FXR1: variants seen among roughly 807,000 people sequenced by gnomAD.
The protein encoded by FXR1 is RNA-binding protein FXR1.
Under a neutral mutation model 84.0 loss-of-function variants are expected in FXR1, and 15 were observed. The observed-to-expected ratio is 0.18, with a 90% CI of 0.12 to 0.27. The LOEUF is 0.27. Ranked by LOEUF, FXR1 falls within the 10% of genes least tolerant of loss-of-function variation. The pLI is 1.00. For synonymous variants in FXR1, 245 were observed against 250.7 expected, an observed-to-expected ratio of 0.98 and a Z score of 0.21; for missense variants, 480 against 774.4, an observed-to-expected ratio of 0.62 and a Z score of 4.51.
chr3:180,915,182 A>C (rs571756320), intron 1 of FXR1, among the ~76,000 whole-genome samples: 1 of 151,480 alleles, frequency 6.6e-6, no homozygotes, highest in Non-Finnish European at 1.5e-5. Context: ...GTAAAAGTTA[A>C]TGTTAATTTA....
intron 1 of FXR1, among the ~76,000 whole-genome samples, chr3:180,920,313 A>T (rs999555741): frequency 1.3e-5 from 2 of 152,062 alleles, no homozygotes; most frequent in African/African-American, 4.8e-5. Context: ...CCCTCAGTGT[A>T]TATTTGTTGA....
At chr3:180,932,201 G>A (rs995982642) in intron 1 of FXR1, among the ~76,000 whole-genome samples, 8 of 151,766 alleles carry the variant, frequency 5.3e-5, no homozygotes, top group African/African-American at 1.9e-4. Context: ...GAAGGAGTGA[G>A]ATAAACAGAT....
intron 3 of FXR1, among the ~76,000 whole-genome samples, chr3:180,936,092 A>G (rs571649458): frequency 2.0e-5 from 3 of 151,770 alleles, no homozygotes; most frequent in Non-Finnish European, 4.4e-5. Context: ...GGCTTTCATG[A>G]TGTTGGCCAG....
At position 180,942,251 on chromosome 3, in the gene FXR1, G is replaced by A. The variant is rs905185659; in HGVS notation, c.199-5614G>A. On this transcript the variant is annotated intron_variant, in intron 3 of 16. Coordinates refer to ENST00000357559, the MANE Select transcript of FXR1 (RefSeq NM_005087.4). Reference sequence around the variant, plus strand: ...AAATTAGCCAGGTGTGGTAGCGGGTGCCTGTAGTCCCAGCTACTCGGGAGG... The same window carrying A: ...AAATTAGCCAGGTGTGGTAGCGGGTACCTGTAGTCCCAGCTACTCGGGAGG... 2.0e-5 allele frequency among the ~76,000 whole-genome samples: 3 copies of A among 152,040 alleles called. No homozygotes were observed. The East Asian group carries it at 5.8e-4, about 29-fold the overall frequency.
At chr3:180,973,076 A>C (rs1008173736) in intron 15 of FXR1, among the ~76,000 whole-genome samples, 1 of 152,244 alleles carries the variant, frequency 6.6e-6, no homozygotes, top group Admixed American at 6.5e-5. Flanking sequence ...CCATTCGAGG[A>C]AATTCTAGAG....
Position 180,934,545 on chromosome 3 carries a change from A to G in FXR1, c.105-593A>G, listed in dbSNP as rs191436937. Among the ~76,000 whole-genome samples, 282 of 152,364 alleles carry G rather than the reference A, an allele frequency of 1.9e-3. 1 individual carries two copies. The highest frequency in any genetic ancestry group is 6.7e-3 in the African/African-American group (277 of 41,590). ...AGTAAGCTTTTTCTAGGTTCTAATT[A>G]TAATGTATATATCCACTGTAGGAAA... On this transcript the variant is annotated intron_variant, in intron 2 of 16. Transcript: ENST00000357559.
At chr3:180,935,582 G>A (rs1720428981) in intron 3 of FXR1, among the ~76,000 whole-genome samples, 2 of 152,252 alleles carry the variant, frequency 1.3e-5, no homozygotes, top group South Asian at 4.1e-4. Flanking sequence ...TTAACGATTT[G>A]CCTGGGTGTC....
intron 15 of FXR1, among the ~76,000 whole-genome samples, chr3:180,973,121 CT>C (rs2108496784): frequency 6.6e-6 from 1 of 152,138 alleles, no homozygotes; most frequent in South Asian, 2.1e-4. Context: ...GTATTTTTTT[CT>C]AGATATTGTT....
At chr3:180,934,411 G>A (rs187014267) in intron 2 of FXR1, among the ~76,000 whole-genome samples, 364 of 152,242 alleles carry the variant, frequency 2.4e-3, no homozygotes, top group Non-Finnish European at 2.6e-3. Flanking sequence ...AGAAATTAGA[G>A]TAGGGAATAA....
At chr3:180,919,883 G>T (rs1718366529) in intron 1 of FXR1, among the ~76,000 whole-genome samples, 1 of 149,790 alleles carries the variant, frequency 6.7e-6, no homozygotes, top group East Asian at 2.0e-4. Flanking sequence ...GGCCAGGCTG[G>T]TCCCAAACTG....
intron 8 of FXR1, among the ~76,000 whole-genome samples, chr3:180,952,135 TTTTA>T (rs1342129882): frequency 3.3e-5 from 5 of 152,194 alleles, no homozygotes; most frequent in African/African-American, 1.2e-4. Flanking sequence ...GATTTTTATT[TTTTA>T]AAGAGACAAG....
chr3:180,922,477 A>G (rs1718701049), intron 1 of FXR1, among the ~76,000 whole-genome samples: 1 of 152,096 alleles, frequency 6.6e-6, no homozygotes, highest in African/African-American at 2.4e-5. Context: ...TTGTTTTTCT[A>G]AGAATTGCCT....
At chr3:180,928,954 C>G (rs1005756532) in intron 1 of FXR1, among the ~76,000 whole-genome samples, 2 of 151,806 alleles carry the variant, frequency 1.3e-5, no homozygotes, top group African/African-American at 2.4e-5. Flanking sequence ...CAGAGTTTCA[C>G]TCTTGTTGCC....
chr3:180,943,969 G>T (rs1721414546), intron 3 of FXR1, among the ~76,000 whole-genome samples: 1 of 151,900 alleles, frequency 6.6e-6, no homozygotes, highest in African/African-American at 2.4e-5. Flanking sequence ...TAGGCTGGAG[G>T]GCAATGGCGC....
chr3:180,977,874 C>T lies in FXR1; in HGVS notation c.*1582C>T, dbSNP rs1714381615. On this transcript the variant is annotated 3_prime_UTR_variant, in exon 17 of 17. Transcript: ENST00000357559. ...GCCAGTTCAGTATATATAACCCTAG[C>T]CCTCAAATTATTCTGATTAAGGTTA... The T allele has an allele frequency of 6.6e-6, 1 of 151,994 alleles. No homozygotes were observed. The highest frequency in any genetic ancestry group is 2.4e-5 in the African/African-American group (1 of 41,404). 9.4% of individuals were successfully genotyped at this position (151,994 alleles called of 1,614,324 possible). A position where few individuals can be genotyped will look rare whatever the true frequency, so the allele number is the denominator to read the frequency against.
At chr3:180,945,915 C>T (rs1721647897) in intron 3 of FXR1, among the ~76,000 whole-genome samples, 2 of 123,458 alleles carry the variant, frequency 1.6e-5, no homozygotes, top group South Asian at 2.7e-4. Flanking sequence ...AGAAATACAT[C>T]GTTTGAGAAA....
At chr3:180,961,367 AGG>A (rs1491566856) in intron 10 of FXR1, 99 bp from the exon 11 acceptor site, 105 of 116,482 alleles carry the variant, frequency 9.0e-4, no homozygotes, top group South Asian at 2.1e-3. Flanking sequence ...AAAAAAAAAA[AGG>A]TGTGTGTGTG....
chr3:180,982,348 G>A lies in FXR1; in HGVS notation c.*6056G>A, dbSNP rs1714651939. Reference sequence around the variant, plus strand: ...GTATCAATCACCTACATGATCTAGAGCCCTCACATGGATAACATTTAAATG... The same window carrying A: ...GTATCAATCACCTACATGATCTAGAACCCTCACATGGATAACATTTAAATG... On this transcript the variant is annotated 3_prime_UTR_variant, in exon 17 of 17. Transcript: ENST00000357559. 6.6e-6 allele frequency: 1 copy of A among 151,942 alleles called. No homozygotes were observed. Among genetic ancestry groups the A allele is most frequent in the South Asian group, 2.1e-4 (1 of 4,822 alleles). 9.4% of individuals were successfully genotyped at this position (151,942 alleles called of 1,614,324 possible).
At chr3:180,923,748 T>C (rs1420742950) in intron 1 of FXR1, among the ~76,000 whole-genome samples, 3 of 151,942 alleles carry the variant, frequency 2.0e-5, no homozygotes, top group Admixed American at 1.3e-4. Flanking sequence ...AATAGAGAAA[T>C]TGTTGTTTCA....
Sources: gnomAD v4.1 joint callset for allele counts (sites outside exome capture counted in the v4.1 genomes callset) on GRCh38, gnomAD v4.1.1 for gene constraint, MANE v1.5 for transcripts, NCBI Gene and HGNC (gene_info 2026-07-23, HGNC 2026-07-21) for gene names.